KDM4C: variants seen among roughly 807,000 people sequenced by gnomAD.
KDM4C encodes the protein lysine demethylase 4C.
In KDM4C, 81 loss-of-function variants were observed where a neutral mutation model predicts 129.3. That is an observed-to-expected ratio of 0.63 (90% CI 0.52 to 0.75). KDM4C has a LOEUF of 0.75. KDM4C is among the 30% of genes least tolerant of loss of function. The pLI, the probability that KDM4C is intolerant of heterozygous loss-of-function variation, is 0.00. For synonymous variants in KDM4C, 573 were observed against 456.1 expected (o/e 1.26, Z -3.26); for missense variants, 1,457 against 1,304.0 (o/e 1.12, Z -1.81).
intron 17 of KDM4C, among the ~76,000 whole-genome samples, chr9:7,082,030 C>A (rs762697404): frequency 6.6e-6 from 1 of 152,112 alleles, no homozygotes; most frequent in Non-Finnish European, 1.5e-5. Context: ...GCCTTTGCCC[C>A]TGTGAAAAGC....
chr9:7,072,302 G>C (rs950058605), intron 17 of KDM4C, among the ~76,000 whole-genome samples: 2 of 152,066 alleles, frequency 1.3e-5, no homozygotes, highest in African/African-American at 2.4e-5. Flanking sequence ...CCCACTTCTA[G>C]GAATTTACTT....
chr9:6,762,743 C>T (rs1158680848), intron 1 of KDM4C, among the ~76,000 whole-genome samples: 1 of 151,100 alleles, frequency 6.6e-6, no homozygotes, highest in Non-Finnish European at 1.5e-5. Context: ...ACTGCAACCT[C>T]CACCTCCTGG....
chr9:6,955,169 C>T (rs1283661164), intron 8 of KDM4C, among the ~76,000 whole-genome samples: 2 of 152,142 alleles, frequency 1.3e-5, no homozygotes, highest in Non-Finnish European at 2.9e-5. Context: ...ATCTGAATGC[C>T]TCTCTATATT....
At chr9:6,736,860 G>C (rs1817541362) in intron 1 of KDM4C, among the ~76,000 whole-genome samples, 1 of 151,580 alleles carries the variant, frequency 6.6e-6, no homozygotes, top group African/African-American at 2.4e-5. Context: ...AGACCCGCCG[G>C]GCCACCATGG....
intron 4 of KDM4C, among the ~76,000 whole-genome samples, chr9:6,843,464 G>T (rs1437172381): frequency 6.6e-6 from 1 of 152,232 alleles, no homozygotes; most frequent in Non-Finnish European, 1.5e-5. Context: ...AAGCCTTAGG[G>T]CTTTCTCCAC....
intron 1 of KDM4C, among the ~76,000 whole-genome samples, chr9:6,741,278 C>G (rs1005683979): frequency 6.6e-6 from 1 of 151,724 alleles, no homozygotes; most frequent in Non-Finnish European, 1.5e-5. Flanking sequence ...GCGTGTAGTC[C>G]CAGCTACTCA....
At chr9:7,008,289 G>A (rs182474738) in intron 12 of KDM4C, among the ~76,000 whole-genome samples, 1 of 152,228 alleles carries the variant, frequency 6.6e-6, no homozygotes, top group East Asian at 1.9e-4. Flanking sequence ...GAGCCTCCAG[G>A]ATTGCTCCAG....
chr9:6,899,578 G>A (rs1160119731), intron 8 of KDM4C, among the ~76,000 whole-genome samples: 1 of 137,434 alleles, frequency 7.3e-6, no homozygotes, highest in Admixed American at 7.2e-5. Flanking sequence ...TGTTTAACTT[G>A]CTAGCTCATG....
At chr9:7,034,734 T>C (rs1166383696) in intron 15 of KDM4C, among the ~76,000 whole-genome samples, 1 of 152,174 alleles carries the variant, frequency 6.6e-6, no homozygotes, top group African/African-American at 2.4e-5. Context: ...CTATTTGTAG[T>C]TTTTTGAAGA....
intron 8 of KDM4C, among the ~76,000 whole-genome samples, chr9:6,939,189 G>A (rs1380509036): frequency 6.6e-6 from 1 of 151,880 alleles, no homozygotes; most frequent in African/African-American, 2.4e-5. Flanking sequence ...CCCATCGCTG[G>A]CATTACTGCC....
chr9:7,033,185 C>T (rs1001936463), intron 15 of KDM4C, among the ~76,000 whole-genome samples: 4 of 150,636 alleles, frequency 2.7e-5, no homozygotes, highest in Non-Finnish European at 5.9e-5. Context: ...CTGTCAAGAC[C>T]AGGTGATGAG....
At chr9:7,067,940 C>T (rs773313514) in intron 17 of KDM4C, among the ~76,000 whole-genome samples, 10 of 152,036 alleles carry the variant, frequency 6.6e-5, no homozygotes, top group East Asian at 1.9e-4. Context: ...GGACTACAGG[C>T]GGCCACCACC....
At chr9:6,791,827 G>A (rs1315262376) in intron 1 of KDM4C, among the ~76,000 whole-genome samples, 8 of 151,524 alleles carry the variant, frequency 5.3e-5, no homozygotes, top group South Asian at 4.2e-4. Flanking sequence ...GTTCGAGACC[G>A]GCCTGACCAA....
chr9:6,943,706 A>G (rs977473889), intron 8 of KDM4C, among the ~76,000 whole-genome samples: 1 of 152,130 alleles, frequency 6.6e-6, no homozygotes. Context: ...ACAAATAATT[A>G]TCTGCCCCAG....
At chr9:6,890,521 A>G (rs1411483841) in intron 7 of KDM4C, among the ~76,000 whole-genome samples, 1 of 152,280 alleles carries the variant, frequency 6.6e-6, no homozygotes, top group Non-Finnish European at 1.5e-5. Flanking sequence ...TTTAGATTAT[A>G]TCCACTCTCT....
At chr9:6,724,764 C>G (rs966479122) in intron 1 of KDM4C, among the ~76,000 whole-genome samples, 1 of 152,104 alleles carries the variant, frequency 6.6e-6, no homozygotes, top group Non-Finnish European at 1.5e-5. Flanking sequence ...CTCTTGACCT[C>G]GTGATCTGCC....
intron 4 of KDM4C, chr9:6,835,592 A>C: frequency 1.1e-6 from 1 of 915,064 alleles, no homozygotes; most frequent in Non-Finnish European, 1.8e-6. Flanking sequence ...ACTGTGACTT[A>C]GTTGTGTTAC....
At chr9:7,072,819 T>G (rs1002970756) in intron 17 of KDM4C, among the ~76,000 whole-genome samples, 41 of 152,318 alleles carry the variant, frequency 2.7e-4, no homozygotes, top group African/African-American at 9.9e-4. Flanking sequence ...AAGATTTCAT[T>G]TACATTTGAT....
intron 6 of KDM4C, among the ~76,000 whole-genome samples, chr9:6,887,528 T>C (rs1300721769): frequency 6.6e-6 from 1 of 152,204 alleles, no homozygotes; most frequent in Non-Finnish European, 1.5e-5. Flanking sequence ...ATGCCGAGGA[T>C]TGGGATGAGT....
Sources: allele counts gnomAD v4.1 joint callset (sites outside exome capture counted in the v4.1 genomes callset), GRCh38; gene constraint gnomAD v4.1.1; transcripts MANE v1.5; gene names NCBI Gene and HGNC (gene_info 2026-07-23, HGNC 2026-07-21).